RAD54L2: variants seen among roughly 807,000 people sequenced by gnomAD.
RAD54L2 encodes the protein helicase ARIP4.
Under a neutral mutation model 138.4 loss-of-function variants are expected in RAD54L2, and 27 were observed. The observed-to-expected ratio is 0.20, with a 90% confidence interval of 0.14 to 0.27. RAD54L2 has a LOEUF of 0.27. Among genes scored for constraint, RAD54L2 ranks in the 10% least tolerant of loss-of-function variants. RAD54L2 has a pLI of 1.00. For missense variants in RAD54L2, 1,396 were observed against 1,890.2 expected (o/e 0.74, Z 4.85); for synonymous variants, 644 against 723.2 (o/e 0.89, Z 1.76).
chr3:51,630,376 A>T lies in RAD54L2; in HGVS notation c.586A>T (p.Ser196Cys), dbSNP rs562443962. The change falls in exon 6 of 23, where the codon AGC (serine) becomes TGC (cysteine). Residue 196 changes from serine (S) to cysteine (C), a missense_variant. Ser to Cys is a moderately radical substitution (Grantham distance 112, BLOSUM62 -1). This residue lies in a region of RAD54L2 where 256 missense variants were observed against 344.6 expected (regional missense o/e 0.74). Coordinates refer to ENST00000684192, the MANE Select transcript of RAD54L2 (RefSeq NM_015106.4). ...DSSSGSEDEK[S>C]SRDEVIELSS... ...TAGCAGTGGCAGTGAGGATGAAAAA[A>T]GCAGTCGAGATGGTAAGATCAAACC... The T allele has an allele frequency of 6.7e-5, 108 of 1,613,726 alleles. 1 individual carries two copies. The South Asian group carries it at 9.8e-4, about 15-fold the overall frequency.
chr3:51,646,341 G>A lies in RAD54L2; in HGVS notation c.2886G>A (p.Lys962=). The part of the protein sequence containing the change: ...LLNRKDHKLT[K]AEKKAAKKSY... ...ACCGAAAGGATCACAAGCTAACCAAGGCTGAGAAAAAAGCAGCAAAGAAAA... is the reference window on the plus strand; with the variant it reads ...ACCGAAAGGATCACAAGCTAACCAAAGCTGAGAAAAAAGCAGCAAAGAAAA... Residue 962 remains lysine (K), a synonymous_variant, in exon 19 of 23, where the codon AAG becomes AAA. Coordinates refer to ENST00000684192, the MANE Select transcript of RAD54L2 (RefSeq NM_015106.4). 1 of 1,609,540 alleles carries A rather than the reference G, an allele frequency of 6.2e-7. No homozygotes were observed. Among genetic ancestry groups the A allele is most frequent in the Non-Finnish European group, 8.5e-7 (1 of 1,177,994 alleles).
At chr3:51,608,498 C>T (rs1419803557) in intron 3 of RAD54L2, among the ~76,000 whole-genome samples, 2 of 152,140 alleles carry the variant, frequency 1.3e-5, no homozygotes, top group African/African-American at 4.8e-5. Context: ...GAGGTTGTAG[C>T]GAGCGGAGAT....
intron 2 of RAD54L2, among the ~76,000 whole-genome samples, chr3:51,586,917 T>A (rs1489358017): frequency 1.3e-5 from 2 of 152,218 alleles, no homozygotes; most frequent in South Asian, 4.1e-4. Context: ...GGGGTTGTGC[T>A]GTTTACAACC....
chr3:51,561,342 T>A (rs2106638896), intron 2 of RAD54L2, among the ~76,000 whole-genome samples: 1 of 152,186 alleles, frequency 6.6e-6, no homozygotes, highest in East Asian at 1.9e-4. Flanking sequence ...ACCTCCTGGG[T>A]TCAAGTGATT....
rs1350736748 is a variant in RAD54L2 at position 51,541,670 on chromosome 3, A to T, written c.-55+20A>T. On this transcript the variant is annotated intron_variant, in intron 2 of 22. Transcript: ENST00000684192. ...ATTGAGGTAAGGCTCAGTCTGTTTG[A>T]AAGTCATTTGCTTCTTAATTTTTAC... 1 of 152,194 alleles carries T rather than the reference A, an allele frequency of 6.6e-6. No homozygotes were observed. The highest frequency in any genetic ancestry group is 2.4e-5 in the African/African-American group (1 of 41,440). The allele number at this position is 152,194 out of a possible 1,614,324, so 9.4% of individuals were successfully genotyped here.
intron 21 of RAD54L2, among the ~76,000 whole-genome samples, chr3:51,659,091 G>A (rs1325573906): frequency 3.3e-5 from 5 of 149,534 alleles, no homozygotes; most frequent in African/African-American, 9.8e-5. Context: ...AAAACCATCC[G>A]GCTCTTGTTT....
At chr3:51,660,216 C>T in intron 22 of RAD54L2, 98 bp downstream of exon 22, 1 of 867,570 alleles carries the variant, frequency 1.2e-6, no homozygotes, top group East Asian at 2.7e-5. Context: ...ATAATATGTA[C>T]ATGGTTCACA....
chr3:51,620,233 A>G (rs145415828), intron 3 of RAD54L2, among the ~76,000 whole-genome samples: 26 of 149,912 alleles, frequency 1.7e-4, no homozygotes, highest in Middle Eastern at 3.5e-3. Context: ...GGGTTGCTAC[A>G]GGCCTGCACC....
At chr3:51,569,234 T>C (rs1050164575) in intron 2 of RAD54L2, among the ~76,000 whole-genome samples, 3 of 152,188 alleles carry the variant, frequency 2.0e-5, no homozygotes, top group Non-Finnish European at 4.4e-5. Flanking sequence ...ACAGAAGTTA[T>C]AGCTGCATGC....
chr3:51,578,138 C>T (rs1196950481), intron 2 of RAD54L2, among the ~76,000 whole-genome samples: 1 of 151,086 alleles, frequency 6.6e-6, no homozygotes, highest in Non-Finnish European at 1.5e-5. Flanking sequence ...CCCCACACTC[C>T]CCCCCTGCCC....
intron 3 of RAD54L2, among the ~76,000 whole-genome samples, chr3:51,608,902 T>C (rs1700267587): frequency 6.6e-6 from 1 of 151,980 alleles, no homozygotes; most frequent in Non-Finnish European, 1.5e-5. Context: ...TAATTATTAT[T>C]ATTTTGAGAC....
chr3:51,549,783 A>G (rs1371976755), intron 2 of RAD54L2, among the ~76,000 whole-genome samples: 1 of 151,738 alleles, frequency 6.6e-6, no homozygotes, highest in Non-Finnish European at 1.5e-5. Context: ...ATCTCAAAAA[A>G]AAAAAAAAAA....
At chr3:51,550,491 G>A (rs1698807923) in intron 2 of RAD54L2, among the ~76,000 whole-genome samples, 1 of 152,182 alleles carries the variant, frequency 6.6e-6, no homozygotes, top group Admixed American at 6.6e-5. Flanking sequence ...GCTGGGTGTG[G>A]TGGTTTAATG....
At chr3:51,646,527 C>T (rs770674200) in intron 19 of RAD54L2, 46 bp downstream of exon 19, 2 of 1,477,068 alleles carry the variant, frequency 1.4e-6, no homozygotes, top group Non-Finnish European at 1.8e-6. Context: ...CAGGCACAAA[C>T]ACCTTTCAAC....
chr3:51,597,113 C>T (rs1225023652), intron 3 of RAD54L2, among the ~76,000 whole-genome samples: 5 of 139,462 alleles, frequency 3.6e-5, no homozygotes, highest in Admixed American at 1.6e-4. Context: ...TACAGTGAGC[C>T]GAGATTGCGC....
intron 2 of RAD54L2, among the ~76,000 whole-genome samples, chr3:51,567,166 A>G (rs547907396): frequency 3.8e-4 from 58 of 152,296 alleles, no homozygotes; most frequent in African/African-American, 1.3e-3. Flanking sequence ...TCTCAAGAGT[A>G]TTAGTCTTGT....
intron 19 of RAD54L2, 107 bp downstream of exon 19, chr3:51,646,588 TGTGAATTGACAG>T: frequency 8.6e-7 from 1 of 1,166,350 alleles, no homozygotes; most frequent in Non-Finnish European, 1.2e-6. Flanking sequence ...CCTTGACTGC[TGTGAATTGACAG>T]GCTCTGCTCT....
In RAD54L2 at chr3:51,667,286, T is replaced by A. The variant is rs1701930970; in HGVS notation, c.*3866T>A. 1 of 151,966 alleles carries A rather than the reference T, an allele frequency of 6.6e-6. No individual in the cohort carries two copies. The highest frequency in any genetic ancestry group is 1.5e-5 in the Non-Finnish European group (1 of 68,072). 9.4% of individuals were successfully genotyped at this position (151,966 alleles called of 1,614,324 possible). A position where few individuals can be genotyped will look rare whatever the true frequency, so the allele number is the denominator to read the frequency against. On this transcript the variant is annotated 3_prime_UTR_variant, in exon 23 of 23. Coordinates refer to ENST00000684192, the MANE Select transcript of RAD54L2 (RefSeq NM_015106.4). ...TTCAAGCGATCCTCCTGCCTCAGCC[T>A]CCCAAGTAGCTGGGATTACAGGTGC...
At chr3:51,652,162 A>T (rs1426608746) in intron 19 of RAD54L2, among the ~76,000 whole-genome samples, 1 of 152,246 alleles carries the variant, frequency 6.6e-6, no homozygotes, top group African/African-American at 2.4e-5. Context: ...GAGCCAAATC[A>T]TGAGTGAACT....
Sources: gnomAD v4.1 joint callset for allele counts (sites outside exome capture counted in the v4.1 genomes callset) on GRCh38, gnomAD v4.1.1 for gene constraint, gnomAD v4.1.1 regional missense constraint, MANE v1.5 for transcripts, NCBI Gene and HGNC (gene_info 2026-07-23, HGNC 2026-07-21) for gene names.